CCM2: variants seen among roughly 807,000 people sequenced by gnomAD.
CCM2 encodes CCM2 scaffold protein.
A neutral mutation model predicts 44.9 loss-of-function variants in CCM2; 25 were observed. That is an observed-to-expected ratio of 0.56 (90% CI 0.41 to 0.78). CCM2 has a LOEUF of 0.78. Among genes scored for constraint, CCM2 ranks in the 30% least tolerant of loss-of-function variants. The probability of loss-of-function intolerance (pLI) is 0.00; values close to 1 mark genes in which losing one functional copy is unlikely to be tolerated. For synonymous variants in CCM2, 219 were observed against 241.1 expected (o/e 0.91, Z 0.85); for missense variants, 481 against 580.6 (o/e 0.83, Z 1.76).
intron 1 of CCM2, 97 bp downstream of exon 1, chr7:45,000,460 G>T (rs868253711): frequency 4.6e-4 from 141 of 307,316 alleles, no homozygotes; most frequent in Non-Finnish European, 6.8e-4. Flanking sequence ...GGCCCGGGGG[G>T]GGGGGCAGTG....
intron 4 of CCM2, 151 bp from the exon 5 acceptor site, chr7:45,068,292 G>A: frequency 1.1e-6 from 1 of 932,042 alleles, no homozygotes; most frequent in South Asian, 1.3e-5. Flanking sequence ...AAGTGTGTCT[G>A]GTGCAGGCCC....
At chr7:45,074,246 CT>C in intron 8 of CCM2, 23 bp from the exon 9 acceptor site, 1 of 1,613,220 alleles carries the variant, frequency 6.2e-7, no homozygotes, top group Non-Finnish European at 8.5e-7. Context: ...GCCCAGCCCC[CT>C]ATCTGGCTCT....
chr7:45,064,943 C>T, intron 4 of CCM2, among the ~76,000 whole-genome samples: 1 of 152,128 alleles, frequency 6.6e-6, no homozygotes, highest in Admixed American at 6.5e-5. Flanking sequence ...CCTCTGGGTA[C>T]AGTGGAGTTG....
intron 1 of CCM2, among the ~76,000 whole-genome samples, chr7:45,006,131 A>T (rs1432005424): frequency 6.6e-6 from 1 of 152,088 alleles, no homozygotes; most frequent in Non-Finnish European, 1.5e-5. Flanking sequence ...GAACACCTTT[A>T]TGAAAACTTC....
chr7:45,054,743 C>T (rs1014738283), intron 2 of CCM2, among the ~76,000 whole-genome samples: 10 of 152,146 alleles, frequency 6.6e-5, no homozygotes, highest in Admixed American at 5.2e-4. Context: ...ACTGCTTCAC[C>T]GTGGTCCTCT....
chr7:45,002,311 G>A (rs537596512), intron 1 of CCM2, among the ~76,000 whole-genome samples: 2 of 152,306 alleles, frequency 1.3e-5, no homozygotes, highest in African/African-American at 2.4e-5. Flanking sequence ...TGGTAGCTAC[G>A]CCTGTAATCC....
chr7:45,042,971 T>G (rs529031643), intron 2 of CCM2, among the ~76,000 whole-genome samples: 1 of 37,442 alleles, frequency 2.7e-5, no homozygotes, highest in African/African-American at 3.2e-4. Flanking sequence ...TCTTCTTCTT[T>G]TTTTTTTTTT....
Position 45,052,103 on chromosome 7 carries a change from A to C in CCM2, c.205-11815A>C, listed in dbSNP as rs150265385. The stretch of plus-strand genomic sequence containing the variant: ...GATGGTACTTGCTGTCCCACATCGG[A>C]AACCACATGCTCCACAAGCCCTTGG... On this transcript the variant is annotated intron_variant, in intron 2 of 9. Coordinates refer to ENST00000258781, the MANE Select transcript of CCM2 (RefSeq NM_031443.4). Among the ~76,000 whole-genome samples, 681 of 152,330 alleles carry C rather than the reference A, an allele frequency of 4.5e-3. 3 individuals carry two copies. The highest frequency in any genetic ancestry group is 0.015 in the African/African-American group (610 of 41,578).
Position 45,041,596 on chromosome 7 carries a change from G to T in CCM2, c.204+3170G>T, listed in dbSNP as rs79770988. 6.4e-4 allele frequency among the ~76,000 whole-genome samples: 97 copies of T among 152,328 alleles called. No individual in the cohort carries two copies. In the East Asian group the frequency reaches 8.1e-3, roughly 13 times the overall value. On this transcript the variant is annotated intron_variant, in intron 2 of 9. Transcript: ENST00000258781. ...TGACCAAAGGACCAGGAAAGGGGCA[G>T]CCTAGCACAAAACAGAGAATATTTA... is the stretch of plus-strand genomic sequence containing the variant.
intron 1 of CCM2, among the ~76,000 whole-genome samples, chr7:45,029,246 A>G (rs936895960): frequency 6.6e-6 from 1 of 152,182 alleles, no homozygotes; most frequent in Non-Finnish European, 1.5e-5. Flanking sequence ...TGTTGGCCTT[A>G]AGGATACCTA....
upstream of CCM2, chr7:44,999,770 A>C (rs1562847326): frequency 2.2e-6 from 1 of 450,896 alleles, no homozygotes; most frequent in South Asian, 1.6e-5. Flanking sequence ...GCCGCCGTAA[A>C]GATGGCGGCA....
intron 2 of CCM2, among the ~76,000 whole-genome samples, chr7:45,050,007 G>T (rs1229899851): frequency 1.3e-5 from 2 of 152,174 alleles, no homozygotes; most frequent in African/African-American, 4.8e-5. Context: ...ACAACATATT[G>T]GTCAACGACA....
intron 4 of CCM2, among the ~76,000 whole-genome samples, chr7:45,065,801 T>C (rs1388940200): frequency 6.6e-6 from 1 of 152,200 alleles, no homozygotes; most frequent in Non-Finnish European, 1.5e-5. Flanking sequence ...TACACACATG[T>C]ACATTACTCA....
At chr7:45,044,569 C>T (rs562096716) in intron 2 of CCM2, among the ~76,000 whole-genome samples, 1 of 152,324 alleles carries the variant, frequency 6.6e-6, no homozygotes, top group South Asian at 2.1e-4. Context: ...GACTTCCTTA[C>T]AGCATAAACT....
intron 8 of CCM2, 114 bp downstream of exon 8, chr7:45,073,685 G>A (rs1799201439): frequency 1.4e-6 from 1 of 704,726 alleles, no homozygotes; most frequent in African/African-American, 1.7e-5. Flanking sequence ...AGTGAGTGAG[G>A]TCACCTAGAG....
chr7:45,030,456 A>G (rs1356292640), intron 1 of CCM2, among the ~76,000 whole-genome samples: 1 of 152,228 alleles, frequency 6.6e-6, no homozygotes. Context: ...CGTTCCTTCC[A>G]GACAGGGTCT....
intron 1 of CCM2, among the ~76,000 whole-genome samples, chr7:45,022,273 AT>A (rs1413359362): frequency 1.2e-4 from 4 of 33,496 alleles, no homozygotes; most frequent in East Asian, 9.0e-4. Flanking sequence ...GGGGATCATT[AT>A]TTTTTTTTGG....
At chr7:45,016,579 C>G (rs1458521090) in intron 1 of CCM2, among the ~76,000 whole-genome samples, 3 of 151,138 alleles carry the variant, frequency 2.0e-5, no homozygotes, top group Admixed American at 6.6e-5. Flanking sequence ...ATCCACCCGC[C>G]TCAGCCTCCC....
intron 7 of CCM2, 82 bp downstream of exon 7, chr7:45,072,865 G>A: frequency 8.5e-7 from 1 of 1,170,296 alleles, no homozygotes; most frequent in South Asian, 1.2e-5. Context: ...CAGCCAGTCA[G>A]CTCCCCCATC....
Sources: gnomAD v4.1 joint callset for allele counts (sites outside exome capture counted in the v4.1 genomes callset) on GRCh38, gnomAD v4.1.1 for gene constraint, MANE v1.5 for transcripts, NCBI Gene and HGNC (gene_info 2026-07-23, HGNC 2026-07-21) for gene names.